The following GDAP2 variants were observed in gnomAD, a reference collection of about 807,000 sequenced individuals.
GDAP2 encodes ganglioside induced differentiation associated protein 2.
Under a neutral mutation model 67.0 loss-of-function variants are expected in GDAP2, and 51 were observed. The observed-to-expected ratio is 0.76, with a 90% CI of 0.61 to 0.96. The LOEUF (loss-of-function observed/expected upper bound fraction) is 0.96. Among genes scored for constraint, GDAP2 ranks in the 40% least tolerant of loss-of-function variants. The probability of loss-of-function intolerance (pLI) is 0.00; values close to 1 mark genes in which losing one functional copy is unlikely to be tolerated. For synonymous variants in GDAP2, 203 were observed against 207.3 expected (o/e 0.98, Z 0.18); for missense variants, 547 against 588.3 (o/e 0.93, Z 0.73).
chr1:117,867,931 T>C lies in GDAP2; in HGVS notation c.*2638A>G, dbSNP rs1023119815. On this transcript the variant is annotated 3_prime_UTR_variant, in exon 14 of 14. Transcript: ENST00000369443. ...TGTACTTGTTTTAAAAATCATATTA[T>C]GCCTTGCATGATTAATAAATTAATA... 6.6e-6 allele frequency: 1 copy of C among 152,222 alleles called. No homozygotes were observed. Among genetic ancestry groups the C allele is most frequent in the Non-Finnish European group, 1.5e-5 (1 of 68,042 alleles). The allele number at this position is 152,222 out of a possible 1,614,324, so 9.4% of individuals were successfully genotyped here.
At chr1:117,888,183 C>G (rs948032981) in intron 8 of GDAP2, among the ~76,000 whole-genome samples, 2 of 152,180 alleles carry the variant, frequency 1.3e-5, no homozygotes, top group Non-Finnish European at 2.9e-5. Flanking sequence ...TGAGTGCTTA[C>G]TCTATGATAG....
intron 9 of GDAP2, 61 bp from the exon 10 acceptor site, chr1:117,886,714 G>A: frequency 1.2e-6 from 1 of 860,820 alleles, no homozygotes; most frequent in Non-Finnish European, 2.0e-6. Flanking sequence ...TATTTGTCTT[G>A]GGCTCTGACT....
rs1367780494 is a variant in GDAP2, at chr1:117,867,274, A to G, written c.*3295T>C. ...TGACTATACTTATCCCTCTTTAAAAAGAAGTGATATTTTCAATTTCAGAAA... is the reference window on the plus strand; with the variant it reads ...TGACTATACTTATCCCTCTTTAAAAGGAAGTGATATTTTCAATTTCAGAAA... On this transcript the variant is annotated 3_prime_UTR_variant, in exon 14 of 14. Coordinates refer to ENST00000369443, the MANE Select transcript of GDAP2 (RefSeq NM_017686.4). 5.9e-5 allele frequency: 9 copies of G among 152,168 alleles called. No homozygotes were observed. The highest frequency in any genetic ancestry group is 5.9e-4 in the Admixed American group (9 of 15,262). The allele number at this position is 152,168 out of a possible 1,614,324, so 9.4% of individuals were successfully genotyped here. A position where few individuals can be genotyped will look rare whatever the true frequency, so the allele number is the denominator to read the frequency against.
rs1011304319 is a variant in GDAP2 at position 117,868,528 on chromosome 1, C to G, written c.*2041G>C. On this transcript the variant is annotated 3_prime_UTR_variant, in exon 14 of 14. Coordinates refer to ENST00000369443, the MANE Select transcript of GDAP2 (RefSeq NM_017686.4). ...AGAAATTGTATATATAAATTTGCTT[C>G]CTTTCAAATTGGCAAAGTAGCTTAC... 6.6e-6 allele frequency: 1 copy of G among 152,234 alleles called. No individual in the cohort carries two copies. The highest frequency in any genetic ancestry group is 3.4e-3 in the Middle Eastern group (1 of 294). 9.4% of individuals were successfully genotyped at this position (152,234 alleles called of 1,614,324 possible).
At chr1:117,919,038 T>C (rs914369268) in intron 2 of GDAP2, among the ~76,000 whole-genome samples, 4 of 152,118 alleles carry the variant, frequency 2.6e-5, no homozygotes, top group Non-Finnish European at 5.9e-5. Flanking sequence ...AACTGATACA[T>C]GTGGTATATC....
Position 117,870,517 on chromosome 1 carries a change from T to C in GDAP2, c.*52A>G. 1 of 1,084,320 alleles carries C rather than the reference T, an allele frequency of 9.2e-7. No homozygotes were observed. Among genetic ancestry groups the C allele is most frequent in the Non-Finnish European group, 1.4e-6 (1 of 696,176 alleles). The allele number at this position is 1,084,320 out of a possible 1,614,324, so 67.2% of individuals were successfully genotyped here. ...TGAATATCACTTCAACAGGTAGCTA[T>C]TCGTGGAGGAAGTGGCATCCTGGGA... On this transcript the variant is annotated 3_prime_UTR_variant, in exon 14 of 14. Coordinates refer to ENST00000369443, the MANE Select transcript of GDAP2 (RefSeq NM_017686.4).
intron 8 of GDAP2, among the ~76,000 whole-genome samples, chr1:117,895,591 C>T (rs906324704): frequency 6.6e-6 from 1 of 152,046 alleles, no homozygotes; most frequent in Non-Finnish European, 1.5e-5. Context: ...GCCCAGGCAC[C>T]GTATTTAATG....
At chr1:117,909,273 C>T (rs920306492) in intron 5 of GDAP2, among the ~76,000 whole-genome samples, 2 of 152,066 alleles carry the variant, frequency 1.3e-5, no homozygotes, top group African/African-American at 2.4e-5. Flanking sequence ...TTGTATACAG[C>T]ACATAGTAGT....
rs1452909526 is a variant in GDAP2 at position 117,864,716 on chromosome 1, A to C, written c.*5853T>G. On this transcript the variant is annotated 3_prime_UTR_variant, in exon 14 of 14. Coordinates refer to ENST00000369443, the MANE Select transcript of GDAP2 (RefSeq NM_017686.4). ...TTATAATAAATATAAATTAAGCAAA[A>C]ACTGAGGAGCTAAGAGATTTTTTTC... The C allele has an allele frequency of 2.0e-5, 3 of 152,166 alleles. No individual in the cohort carries two copies. Among genetic ancestry groups the C allele is most frequent in the Admixed American group, 6.5e-5 (1 of 15,272 alleles). The allele number at this position is 152,166 out of a possible 1,614,324, so 9.4% of individuals were successfully genotyped here. A position where few individuals can be genotyped will look rare whatever the true frequency, so the allele number is the denominator to read the frequency against.
At chr1:117,899,320 GA>G in intron 6 of GDAP2, 104 bp from the exon 7 acceptor site, 1 of 750,120 alleles carries the variant, frequency 1.3e-6, no homozygotes, top group Non-Finnish European at 2.3e-6. Flanking sequence ...CCTCCATCAA[GA>G]ATAAAGACTT....
At chr1:117,904,010 CAG>C (rs556252110) in intron 6 of GDAP2, among the ~76,000 whole-genome samples, 1 of 147,244 alleles carries the variant, frequency 6.8e-6, no homozygotes, top group Non-Finnish European at 1.5e-5. Flanking sequence ...TTTTTTGAGA[CAG>C]AGTCTTGCTC....
intron 13 of GDAP2, 107 bp downstream of exon 13, chr1:117,877,902 A>T: frequency 7.2e-7 from 1 of 1,382,266 alleles, no homozygotes; most frequent in South Asian, 2.1e-5. Context: ...AGACTCACTA[A>T]TTTACATTAA....
chr1:117,914,176 A>G (rs56041276), intron 3 of GDAP2, among the ~76,000 whole-genome samples: 3,414 of 152,286 alleles, frequency 0.022, 126 homozygotes, highest in African/African-American at 0.076. Context: ...GGATCACCAG[A>G]AAGTGAGAAA....
chr1:117,911,029 C>G (rs74113088), intron 5 of GDAP2, among the ~76,000 whole-genome samples: 275 of 152,284 alleles, frequency 1.8e-3, no homozygotes, highest in African/African-American at 6.0e-3. Context: ...AAATGTAGCA[C>G]AGAATAAGTC....
chr1:117,902,518 T>C (rs1026461038), intron 6 of GDAP2, among the ~76,000 whole-genome samples: 3 of 152,240 alleles, frequency 2.0e-5, no homozygotes, highest in Non-Finnish European at 4.4e-5. Context: ...TTCTTTGGCA[T>C]GTGGATATCC....
intron 8 of GDAP2, among the ~76,000 whole-genome samples, chr1:117,891,580 T>C (rs1333955686): frequency 6.6e-6 from 1 of 152,098 alleles, no homozygotes; most frequent in Non-Finnish European, 1.5e-5. Context: ...CCATTTTTTA[T>C]TGGGTTATTT....
At position 117,865,291 on chromosome 1, in the gene GDAP2, C is replaced by G. The variant is rs1336350640; in HGVS notation, c.*5278G>C. 1 of 152,122 alleles carries G rather than the reference C, an allele frequency of 6.6e-6. No homozygotes were observed. 9.4% of individuals were successfully genotyped at this position (152,122 alleles called of 1,614,324 possible). A position where few individuals can be genotyped will look rare whatever the true frequency, so the allele number is the denominator to read the frequency against. ...GGGTTCAATATAAACACTATTATTT[C>G]ACTATTGATTCTTCATAGGCTATAT... On this transcript the variant is annotated 3_prime_UTR_variant, in exon 14 of 14. Coordinates refer to ENST00000369443, the MANE Select transcript of GDAP2 (RefSeq NM_017686.4).
chr1:117,876,333 C>G (rs746656197), intron 13 of GDAP2, among the ~76,000 whole-genome samples: 4 of 152,136 alleles, frequency 2.6e-5, no homozygotes, highest in Admixed American at 6.5e-5. Context: ...TTTCCCTTCC[C>G]CTTCTGCCGT....
intron 5 of GDAP2, among the ~76,000 whole-genome samples, chr1:117,909,945 C>T (rs1351768268): frequency 6.6e-6 from 1 of 151,968 alleles, no homozygotes; most frequent in Non-Finnish European, 1.5e-5. Context: ...TTATGATTAC[C>T]TTAATAAAAA....
Sources: gnomAD v4.1 joint callset for allele counts (sites outside exome capture counted in the v4.1 genomes callset) on GRCh38, gnomAD v4.1.1 for gene constraint, MANE v1.5 for transcripts, NCBI Gene and HGNC (gene_info 2026-07-23, HGNC 2026-07-21) for gene names.